Variants in PGM2L1 observed in about 807,000 individuals in gnomAD.
PGM2L1 encodes phosphoglucomutase 2 like 1.
A neutral mutation model predicts 73.4 loss-of-function variants in PGM2L1; 35 were observed. The observed-to-expected ratio is 0.48, with a 90% CI of 0.36 to 0.63. PGM2L1 has a LOEUF of 0.63. Ranked by LOEUF, PGM2L1 falls within the 30% of genes least tolerant of loss-of-function variation. PGM2L1 has a pLI of 0.00. For missense variants in PGM2L1, 570 were observed against 742.0 expected (o/e 0.77, Z 2.69); for synonymous variants, 225 against 253.8 (o/e 0.89, Z 1.08).
At position 74,398,345 on chromosome 11, in the gene PGM2L1, A is replaced by G; in HGVS notation, c.-184T>C. Reference sequence around the variant, plus strand: ...CAGGGAACCGGGAGAGAGGGGGTTTATGGCCGCCTGCTCCCCAGCGGACCA... The same window carrying G: ...CAGGGAACCGGGAGAGAGGGGGTTTGTGGCCGCCTGCTCCCCAGCGGACCA... On this transcript the variant is annotated 5_prime_UTR_variant, in exon 1 of 14. Coordinates refer to ENST00000298198, the MANE Select transcript of PGM2L1 (RefSeq NM_173582.6). The G allele has an allele frequency of 1.1e-6, 1 of 906,930 alleles. No individual in the cohort carries two copies. The highest frequency in any genetic ancestry group is 1.5e-6 in the Non-Finnish European group (1 of 658,490). The allele number at this position is 906,930 out of a possible 1,614,324, so 56.2% of individuals were successfully genotyped here. A position where few individuals can be genotyped will look rare whatever the true frequency, so the allele number is the denominator to read the frequency against.
At chr11:74,360,083 T>TA (rs1385447109) in intron 5 of PGM2L1, among the ~76,000 whole-genome samples, 2 of 151,740 alleles carry the variant, frequency 1.3e-5, no homozygotes, top group Admixed American at 1.3e-4. Flanking sequence ...CTACTAAATA[T>TA]AAAAAAATTA....
intron 5 of PGM2L1, chr11:74,354,958 G>A: frequency 1.0e-6 from 1 of 976,314 alleles, no homozygotes; most frequent in East Asian, 2.4e-5. Flanking sequence ...ACTGTGAATG[G>A]CCACAACTGT....
chr11:74,366,064 G>C (rs955360848), intron 5 of PGM2L1, among the ~76,000 whole-genome samples: 16 of 152,138 alleles, frequency 1.1e-4, no homozygotes, highest in Non-Finnish European at 2.2e-4. Context: ...CCTTTGTAGG[G>C]ACATGGATGA....
At chr11:74,340,710 A>G (rs1426753163) in intron 12 of PGM2L1, among the ~76,000 whole-genome samples, 3 of 152,230 alleles carry the variant, frequency 2.0e-5, no homozygotes, top group African/African-American at 7.2e-5. Context: ...TACATCAGAA[A>G]GGAACATGCC....
Position 74,383,824 on chromosome 11 carries a change from A to AATATATATATATATATATATATATATAT in PGM2L1, c.112-9243_112-9242insATATATATATATATATATATATATATAT, listed in dbSNP as rs377358856. 7.9e-3 allele frequency among the ~76,000 whole-genome samples: 959 copies of AATATATATATATATATATATATATATAT among 121,344 alleles called. 10 individuals carry two copies. Among genetic ancestry groups the AATATATATATATATATATATATATATAT allele is most frequent in the African/African-American group, 9.8e-3 (279 of 28,556 alleles). 79.6% of individuals were successfully genotyped at this position (121,344 alleles called of 152,430 possible). A position where few individuals can be genotyped will look rare whatever the true frequency, so the allele number is the denominator to read the frequency against. On this transcript the variant is annotated intron_variant, in intron 1 of 13. Transcript: ENST00000298198. Reference sequence around the variant, plus strand: ...AGTATTCTATGGAGATATATAAATAAATATATATATATATATATAACATTT... The same window carrying AATATATATATATATATATATATATATAT: ...AGTATTCTATGGAGATATATAAATAAATATATATATATATATATATATATATATATATATATATATATATATAACATTT...
intron 1 of PGM2L1, among the ~76,000 whole-genome samples, chr11:74,392,545 GTT>G (rs34084102): frequency 1.4e-5 from 2 of 144,994 alleles, no homozygotes; most frequent in Admixed American, 6.9e-5. Context: ...CAATAAAATA[GTT>G]TTTTTTTTTT....
rs1321599203 is a variant in PGM2L1, at chr11:74,347,153, C to T, written c.934G>A (p.Val312Met). 1 of 1,569,302 alleles carries T rather than the reference C, an allele frequency of 6.4e-7. No individual in the cohort carries two copies. The highest frequency in any genetic ancestry group is 8.6e-7 in the Non-Finnish European group (1 of 1,162,298). ...KCPNPEEGES[V>M]LELSLRLAEK... ...TTAAATATTTAAAAAAATACCAGCACAGATTCTCCTTCTTCAGGATTTGGA... is the reference window on the plus strand; with the variant it reads ...TTAAATATTTAAAAAAATACCAGCATAGATTCTCCTTCTTCAGGATTTGGA... Residue 312 changes from valine (V) to methionine (M), a missense_variant, in exon 7 of 14, where the codon GTG becomes ATG. Transcript: ENST00000298198.
intron 9 of PGM2L1, among the ~76,000 whole-genome samples, 178 bp downstream of exon 9, chr11:74,345,291 G>A (rs1862245046): frequency 1.3e-5 from 2 of 152,004 alleles, no homozygotes; most frequent in African/African-American, 4.8e-5. Flanking sequence ...ATACGGTACT[G>A]GATGAATTTT....
At position 74,333,090 on chromosome 11, in the gene PGM2L1, T is replaced by C. The variant is rs1158087101; in HGVS notation, c.*3562A>G. On this transcript the variant is annotated 3_prime_UTR_variant, in exon 14 of 14. Transcript: ENST00000298198. ...TTACTTTTAGTGCCCTTTATGACAT[T>C]TTTGTTCTAACCTGAGTTTTTAAAA... 1 of 151,558 alleles carries C rather than the reference T, an allele frequency of 6.6e-6. No homozygotes were observed. Among genetic ancestry groups the C allele is most frequent in the African/African-American group, 2.4e-5 (1 of 40,838 alleles). The allele number at this position is 151,558 out of a possible 1,614,324, so 9.4% of individuals were successfully genotyped here.
chr11:74,395,549 C>CTTTTTTTTTTTTTTTTTTTTT (rs60883108), intron 1 of PGM2L1, among the ~76,000 whole-genome samples: 3 of 64,944 alleles, frequency 4.6e-5, no homozygotes, highest in Non-Finnish European at 5.0e-5. Flanking sequence ...CCTCGCCTGG[C>CTTTTTTTTTTTTTTTTTTTTT]TTTTTTTTTT....
intron 5 of PGM2L1, among the ~76,000 whole-genome samples, chr11:74,357,707 A>G (rs1862481632): frequency 6.6e-6 from 1 of 152,254 alleles, no homozygotes; most frequent in South Asian, 2.1e-4. Flanking sequence ...ACTTATGTCC[A>G]TACTAAGATG....
At chr11:74,348,403 C>T (rs1320586439) in intron 6 of PGM2L1, among the ~76,000 whole-genome samples, 1 of 152,012 alleles carries the variant, frequency 6.6e-6, no homozygotes, top group East Asian at 1.9e-4. Context: ...CACCATATAC[C>T]CATTACCTCA....
rs569422310 is a variant in PGM2L1, at chr11:74,362,359, C to T, written c.555+6133G>A. On this transcript the variant is annotated intron_variant, in intron 5 of 13. Coordinates refer to ENST00000298198, the MANE Select transcript of PGM2L1 (RefSeq NM_173582.6). The stretch of plus-strand genomic sequence containing the variant: ...AGCAAATGCTGAGAGGTTTTGTCAC[C>T]ACCAGGCCTGCCCTACAAGAGCTCC... Among the ~76,000 whole-genome samples, 6 of 152,210 alleles carry T rather than the reference C, an allele frequency of 3.9e-5. No individual in the cohort carries two copies. The East Asian group carries it at 9.6e-4, about 24-fold the overall frequency.
At position 74,370,984 on chromosome 11, in the gene PGM2L1, A is replaced by G. The variant is rs375060214; in HGVS notation, c.389T>C (p.Leu130Pro). Residue 130 changes from leucine (L) to proline (P), a missense_variant and splice_region_variant, in exon 4 of 14, where the codon CTT (leucine) becomes CCT (proline). Transcript: ENST00000298198. Reference protein sequence around the residue: ...QVTSSCSSQRLAKLTAAVLLA... With the variant: ...QVTSSCSSQRPAKLTAAVLLA... ...CAAGACTGCAGCAGTGAGTTTAGCA[A>G]GCCTAAAAAAAGAGAGATTTAACTT... 7 of 1,612,596 alleles carry G rather than the reference A, an allele frequency of 4.3e-6. No homozygotes were observed. In the African/African-American group the frequency reaches 8.0e-5, roughly 18 times the overall value.
At chr11:74,388,144 T>C (rs1863042553) in intron 1 of PGM2L1, among the ~76,000 whole-genome samples, 1 of 152,164 alleles carries the variant, frequency 6.6e-6, no homozygotes. Flanking sequence ...GGTTGCCAGA[T>C]GCTGGAAGGG....
At chr11:74,380,667 C>A (rs181985191) in intron 1 of PGM2L1, among the ~76,000 whole-genome samples, 4 of 151,884 alleles carry the variant, frequency 2.6e-5, no homozygotes, top group Non-Finnish European at 5.9e-5. Context: ...TCAAAAAAAC[C>A]TATCTTTTTT....
rs1033071371 is a variant in PGM2L1, at chr11:74,333,343, C to T, written c.*3309G>A. 1 of 152,154 alleles carries T rather than the reference C, an allele frequency of 6.6e-6. No homozygotes were observed. The highest frequency in any genetic ancestry group is 1.5e-5 in the Non-Finnish European group (1 of 68,002). The allele number at this position is 152,154 out of a possible 1,614,324, so 9.4% of individuals were successfully genotyped here. A position where few individuals can be genotyped will look rare whatever the true frequency, so the allele number is the denominator to read the frequency against. On this transcript the variant is annotated 3_prime_UTR_variant, in exon 14 of 14. Transcript: ENST00000298198. ...TGGAGAACACTATGGCATAGTATTT[C>T]TTACTTTGAACCCTTCAATAAAAGA...
At chr11:74,367,202 G>A (rs1862674074) in intron 5 of PGM2L1, among the ~76,000 whole-genome samples, 1 of 152,156 alleles carries the variant, frequency 6.6e-6, no homozygotes, top group African/African-American at 2.4e-5. Context: ...ATATGTTGTG[G>A]GGGAATCAAG....
rs902576422 is a variant in PGM2L1, at chr11:74,343,069, A to G, written c.1313-55T>C. 4.6e-6 allele frequency: 7 copies of G among 1,524,352 alleles called. No homozygotes were observed. The African/African-American group carries it at 9.8e-5, about 21-fold the overall frequency. The allele number at this position is 1,524,352 out of a possible 1,614,324, so 94.4% of individuals were successfully genotyped here. A position where few individuals can be genotyped will look rare whatever the true frequency, so the allele number is the denominator to read the frequency against. On this transcript the variant is annotated intron_variant, in intron 10 of 13. Coordinates refer to ENST00000298198, the MANE Select transcript of PGM2L1 (RefSeq NM_173582.6). ...AGGAAAACTTAAGGCTATAATTTCA[A>G]TAGTTTTACATTTCTTCAGAAGGAC...
Sources: gnomAD v4.1 joint callset for allele counts (sites outside exome capture counted in the v4.1 genomes callset) on GRCh38, gnomAD v4.1.1 for gene constraint, MANE v1.5 for transcripts, NCBI Gene and HGNC (gene_info 2026-07-23, HGNC 2026-07-21) for gene names.